Variants in KIAA1958 observed in about 807,000 individuals in gnomAD.
The protein encoded by KIAA1958 is uncharacterized protein KIAA1958.
A neutral mutation model predicts 47.2 loss-of-function variants in KIAA1958; 14 were observed. The ratio of observed to expected loss-of-function variants is 0.30; its 90% CI spans 0.20 to 0.46. The LOEUF (loss-of-function observed/expected upper bound fraction) is 0.46, where lower values mean the gene tolerates loss of function less well. Ranked by LOEUF, KIAA1958 falls within the 20% of genes least tolerant of loss-of-function variation. KIAA1958 has a pLI of 1.00. For synonymous variants in KIAA1958, 354 were observed against 353.3 expected (o/e 1.00, Z -0.02); for missense variants, 803 against 909.2 (o/e 0.88, Z 1.50).
chr9:112,590,934 C>G (rs1431709548), intron 2 of KIAA1958, among the ~76,000 whole-genome samples: 1 of 152,064 alleles, frequency 6.6e-6, no homozygotes, highest in Non-Finnish European at 1.5e-5. Flanking sequence ...CTCTAGGAGC[C>G]TTTGGGCTTT....
intron 1 of KIAA1958, among the ~76,000 whole-genome samples, chr9:112,495,845 A>G (rs757171694): frequency 2.6e-5 from 4 of 152,202 alleles, no homozygotes; most frequent in Non-Finnish European, 4.4e-5. Flanking sequence ...ATTAGCAAGC[A>G]TTATGCAACA....
chr9:112,510,039 T>G (rs1564153572), intron 1 of KIAA1958, among the ~76,000 whole-genome samples: 1 of 152,132 alleles, frequency 6.6e-6, no homozygotes, highest in Non-Finnish European at 1.5e-5. Context: ...CTAAAGGAAG[T>G]GGTGCAGCCC....
chr9:112,510,019 C>T (rs1416825809), intron 1 of KIAA1958, among the ~76,000 whole-genome samples: 1 of 152,144 alleles, frequency 6.6e-6, no homozygotes, highest in African/African-American at 2.4e-5. Context: ...GCTTAATAAC[C>T]ATCTGAGTGC....
In KIAA1958 at chr9:112,555,559, C is replaced by G. The variant is rs117546334; in HGVS notation, c.-24-18498C>G. Among the ~76,000 whole-genome samples, 1,107 of 152,332 alleles carry G rather than the reference C, an allele frequency of 7.3e-3. 5 individuals carry two copies. Among genetic ancestry groups the G allele is most frequent in the Non-Finnish European group, 0.011 (750 of 68,028 alleles). Reference sequence around the variant, plus strand: ...CTCTAGAGGCTGGAAAGTCCAAGATCAAGATTCCAGCAGGTTCATTGCCTT... The same window carrying G: ...CTCTAGAGGCTGGAAAGTCCAAGATGAAGATTCCAGCAGGTTCATTGCCTT... On this transcript the variant is annotated intron_variant, in intron 1 of 3. Coordinates refer to ENST00000337530, the MANE Select transcript of KIAA1958 (RefSeq NM_133465.4).
chr9:112,493,152 G>A (rs1373382764), intron 1 of KIAA1958, among the ~76,000 whole-genome samples: 2 of 67,698 alleles, frequency 3.0e-5, no homozygotes, highest in Non-Finnish European at 5.3e-5. Flanking sequence ...CTGAGGACTT[G>A]TTTCTTTTAG....
At chr9:112,658,488 A>C (rs1280615551) in intron 3 of KIAA1958, among the ~76,000 whole-genome samples, 1 of 152,238 alleles carries the variant, frequency 6.6e-6, no homozygotes, top group African/African-American at 2.4e-5. Flanking sequence ...GAATAGTGAA[A>C]GTTACAAACA....
intron 1 of KIAA1958, among the ~76,000 whole-genome samples, chr9:112,567,875 G>A (rs559273983): frequency 1.4e-4 from 21 of 149,052 alleles, no homozygotes; most frequent in South Asian, 2.1e-4. Context: ...GGAGAATGGC[G>A]TGAATCTGTG....
At chr9:112,525,252 G>C (rs1463364710) in intron 1 of KIAA1958, among the ~76,000 whole-genome samples, 3 of 152,188 alleles carry the variant, frequency 2.0e-5, no homozygotes, top group Non-Finnish European at 4.4e-5. Flanking sequence ...TAGGTGTTCT[G>C]TGTAGGGATT....
At chr9:112,656,983 A>G (rs1415025940) in intron 3 of KIAA1958, among the ~76,000 whole-genome samples, 1 of 152,208 alleles carries the variant, frequency 6.6e-6, no homozygotes, top group Non-Finnish European at 1.5e-5. Context: ...TCTTTATAAA[A>G]AAGTCAGACC....
chr9:112,538,764 AATG>A (rs1834895129), intron 1 of KIAA1958, among the ~76,000 whole-genome samples: 3 of 152,360 alleles, frequency 2.0e-5, no homozygotes, highest in African/African-American at 7.2e-5. Flanking sequence ...AATAATCAGT[AATG>A]ATAACAGTAC....
chr9:112,641,277 A>C (rs1836884218), intron 2 of KIAA1958, among the ~76,000 whole-genome samples: 1 of 151,110 alleles, frequency 6.6e-6, no homozygotes, highest in Admixed American at 6.6e-5. Flanking sequence ...GTAGGTAATA[A>C]ATTTCTTCAT....
intron 3 of KIAA1958, among the ~76,000 whole-genome samples, chr9:112,652,133 T>C (rs574552338): frequency 1.3e-5 from 2 of 152,272 alleles, no homozygotes; most frequent in Admixed American, 1.3e-4. Context: ...CGCAAAGTGC[T>C]GGGATTACAG....
intron 1 of KIAA1958, among the ~76,000 whole-genome samples, chr9:112,498,564 T>G (rs1293455997): frequency 6.6e-6 from 1 of 151,814 alleles, no homozygotes; most frequent in Non-Finnish European, 1.5e-5. Context: ...AGTTTTTTTA[T>G]GTTGATATAA....
chr9:112,628,921 A>G (rs1836664752), intron 2 of KIAA1958, among the ~76,000 whole-genome samples: 1 of 152,208 alleles, frequency 6.6e-6, no homozygotes, highest in South Asian at 2.1e-4. Flanking sequence ...TAGCCTGAAA[A>G]TGTAACTCTA....
At chr9:112,638,037 T>C (rs1836834181) in intron 2 of KIAA1958, among the ~76,000 whole-genome samples, 1 of 152,028 alleles carries the variant, frequency 6.6e-6, no homozygotes, top group African/African-American at 2.4e-5. Context: ...TGATTCCAGC[T>C]ACTTGGGAGG....
chr9:112,608,929 T>A (rs1836280368), intron 2 of KIAA1958, among the ~76,000 whole-genome samples: 2 of 152,138 alleles, frequency 1.3e-5, no homozygotes. Context: ...ATAACAACAG[T>A]GATAACACTA....
chr9:112,580,165 G>A (rs1835712896), intron 2 of KIAA1958, among the ~76,000 whole-genome samples: 1 of 152,184 alleles, frequency 6.6e-6, no homozygotes, highest in African/African-American at 2.4e-5. Flanking sequence ...ACATAGCTGA[G>A]TGTGAGCGTG....
chr9:112,618,461 G>A lies in KIAA1958; in HGVS notation c.1172-27189G>A. The A allele has an allele frequency of 1.3e-6, 2 of 1,551,010 alleles. No homozygotes were observed. The highest frequency in any genetic ancestry group is 1.7e-6 in the Non-Finnish European group (2 of 1,147,098). On this transcript the variant is annotated intron_variant, in intron 2 of 3. Coordinates refer to ENST00000337530, the MANE Select transcript of KIAA1958 (RefSeq NM_133465.4). The surrounding 1 kb of genome is among the most constrained non-coding windows in gnomAD (Gnocchi z 7.1). Reference sequence around the variant, plus strand: ...CGAGTACTTGGAGTGGATGGGTCAGGACACTGGAGACTTGAATGCCAAAAC... The same window carrying A: ...CGAGTACTTGGAGTGGATGGGTCAGAACACTGGAGACTTGAATGCCAAAAC...
In KIAA1958 at chr9:112,552,603, T is replaced by C. The variant is rs187427419; in HGVS notation, c.-24-21454T>C. ...AGTGATGCTTAATGTTCAAATATGT[T>C]ATAACACAGGATGATTAGCAAGAAA... is the stretch of plus-strand genomic sequence containing the variant. On this transcript the variant is annotated intron_variant, in intron 1 of 3. Transcript: ENST00000337530. Among the ~76,000 whole-genome samples, 9 of 152,348 alleles carry C rather than the reference T, an allele frequency of 5.9e-5. No individual in the cohort carries two copies. The East Asian group carries it at 1.2e-3, about 20-fold the overall frequency.
Sources: gnomAD v4.1 joint callset for allele counts (sites outside exome capture counted in the v4.1 genomes callset) on GRCh38, gnomAD v4.1.1 for gene constraint, Gnocchi (gnomAD v3.1) non-coding constraint, MANE v1.5 for transcripts, NCBI Gene and HGNC (gene_info 2026-07-23, HGNC 2026-07-21) for gene names.